Variants in SNX10 observed in about 807,000 individuals in gnomAD.
SNX10 encodes the protein sorting nexin 10, also known as sorting nexin-10.
A neutral mutation model predicts 28.5 loss-of-function variants in SNX10; 25 were observed. That is an observed-to-expected ratio of 0.88 (90% confidence interval 0.64 to 1.22). The LOEUF (loss-of-function observed/expected upper bound fraction) is 1.22. Among genes scored for constraint, SNX10 ranks in the 50% most tolerant of loss-of-function variants. The pLI, the probability that SNX10 is intolerant of heterozygous loss-of-function variation, is 0.00. For missense variants in SNX10, 223 were observed against 242.6 expected (o/e 0.92, Z 0.54); for synonymous variants, 62 against 81.4 (o/e 0.76, Z 1.28).
intron 1 of SNX10, among the ~76,000 whole-genome samples, chr7:26,299,354 C>T (rs1280222452): frequency 6.6e-6 from 1 of 152,162 alleles, no homozygotes; most frequent in Non-Finnish European, 1.5e-5. Context: ...TGCCACCACA[C>T]TCAGCTAATT....
intron 2 of SNX10, among the ~76,000 whole-genome samples, chr7:26,359,991 TATTATCTTTATAAA>T (rs1384391949): frequency 1.3e-5 from 2 of 152,204 alleles, no homozygotes; most frequent in East Asian, 3.8e-4. Context: ...TTTCTATTCT[TATTATCTTTATAAA>T]AGAACAAAAT....
intron 1 of SNX10, among the ~76,000 whole-genome samples, chr7:26,334,893 G>T (rs1020375893): frequency 2.0e-5 from 3 of 152,134 alleles, no homozygotes; most frequent in African/African-American, 7.2e-5. Flanking sequence ...GACAATTTGG[G>T]CCTGGTTTGC....
At chr7:26,309,550 T>C (rs1176237451) in intron 1 of SNX10, among the ~76,000 whole-genome samples, 3 of 152,132 alleles carry the variant, frequency 2.0e-5, no homozygotes, top group African/African-American at 4.8e-5. Context: ...CAGTATTACC[T>C]CTTTTCGGAA....
intron 2 of SNX10, among the ~76,000 whole-genome samples, chr7:26,356,423 T>A (rs1297135889): frequency 2.0e-5 from 3 of 152,190 alleles, no homozygotes; most frequent in Non-Finnish European, 4.4e-5. Flanking sequence ...CTGTCCTCTG[T>A]GGCTGACAGC....
chr7:26,294,838 C>A (rs1786051197), intron 1 of SNX10, among the ~76,000 whole-genome samples: 1 of 152,156 alleles, frequency 6.6e-6, no homozygotes, highest in Admixed American at 6.5e-5. Flanking sequence ...AACTGAGGCA[C>A]AAAGCCCAAG....
intron 1 of SNX10, among the ~76,000 whole-genome samples, chr7:26,302,194 T>A (rs1786396510): frequency 1.3e-5 from 2 of 152,176 alleles, no homozygotes; most frequent in Admixed American, 1.3e-4. Flanking sequence ...TCTTTGTGCC[T>A]TTTTATGCTT....
At chr7:26,372,124 A>G (rs1172896450) in intron 6 of SNX10, 91 bp downstream of exon 6, 10 of 837,374 alleles carry the variant, frequency 1.2e-5, no homozygotes, top group Non-Finnish European at 1.8e-5. Flanking sequence ...TACACACTTC[A>G]CTTTTTTGTT....
intron 5 of SNX10, among the ~76,000 whole-genome samples, chr7:26,367,509 C>T (rs1380156309): frequency 6.6e-6 from 1 of 152,174 alleles, no homozygotes; most frequent in African/African-American, 2.4e-5. Flanking sequence ...ACAGCCTAAA[C>T]CTGAAGGAAG....
At chr7:26,334,143 C>A (rs575728622) in intron 1 of SNX10, among the ~76,000 whole-genome samples, 2 of 152,220 alleles carry the variant, frequency 1.3e-5, no homozygotes, top group African/African-American at 4.8e-5. Flanking sequence ...TGGATTTGGC[C>A]TGGGATGTCA....
rs554472976 is a variant in SNX10, at chr7:26,326,857, C to T, written c.-23-19563C>T. On this transcript the variant is annotated intron_variant, in intron 1 of 6. Coordinates refer to ENST00000338523, the MANE Select transcript of SNX10 (RefSeq NM_013322.3). ...CTGGGATTACAGGTGTGAGCCACTGCACCCAGATGAACTGACCATTTTTGT... is the reference window on the plus strand; with the variant it reads ...CTGGGATTACAGGTGTGAGCCACTGTACCCAGATGAACTGACCATTTTTGT... Among the ~76,000 whole-genome samples the T allele has an allele frequency of 2.7e-4, 41 of 151,918 alleles. No homozygotes were observed. The South Asian group carries it at 6.8e-3, about 25-fold the overall frequency.
chr7:26,369,919 C>T lies in SNX10; in HGVS notation c.312-1902C>T, dbSNP rs188573578. On this transcript the variant is annotated intron_variant, in intron 5 of 6. Transcript: ENST00000338523. ...AGTTAATAACAACACGTGAGCAGTT[C>T]AAGGCTCAGTAGAATTGCTTCAGAC... 2.0e-5 allele frequency among the ~76,000 whole-genome samples: 3 copies of T among 152,256 alleles called. No individual in the cohort carries two copies. In the East Asian group the frequency reaches 5.8e-4, roughly 29 times the overall value.
chr7:26,351,873 G>A (rs945248246), intron 2 of SNX10, among the ~76,000 whole-genome samples: 1 of 151,736 alleles, frequency 6.6e-6, no homozygotes, highest in African/African-American at 2.4e-5. Context: ...AGCCAGGATG[G>A]TCTAGATCTC....
chr7:26,362,499 G>A (rs1359588892), intron 3 of SNX10, among the ~76,000 whole-genome samples: 1 of 152,200 alleles, frequency 6.6e-6, no homozygotes, highest in Non-Finnish European at 1.5e-5. Context: ...TGGTGTCCTG[G>A]CACTTTTCTG....
chr7:26,342,665 T>C (rs1051849303), intron 1 of SNX10, among the ~76,000 whole-genome samples: 2 of 152,176 alleles, frequency 1.3e-5, no homozygotes, highest in African/African-American at 4.8e-5. Context: ...TGGAAGTGTA[T>C]AGAGCTTAGA....
chr7:26,307,806 T>TAC (rs1233100970), intron 1 of SNX10, among the ~76,000 whole-genome samples: 1 of 152,012 alleles, frequency 6.6e-6, no homozygotes, highest in African/African-American at 2.4e-5. Flanking sequence ...ACCGTGGGGG[T>TAC]ACATTGGTAA....
chr7:26,336,269 GA>G (rs915349198), intron 1 of SNX10, among the ~76,000 whole-genome samples: 5 of 150,012 alleles, frequency 3.3e-5, no homozygotes, highest in Admixed American at 6.6e-5. Flanking sequence ...GCGAAATACA[GA>G]AAAAAAGGAA....
chr7:26,313,942 G>A (rs1786953357), intron 1 of SNX10, among the ~76,000 whole-genome samples: 1 of 151,964 alleles, frequency 6.6e-6, no homozygotes, highest in Non-Finnish European at 1.5e-5. Flanking sequence ...GAGTAGCTGG[G>A]GAGGCTACAG....
At chr7:26,358,805 G>GTTTTTTTTTTTTTTTGTTTTTGTTTTT (rs1788939092) in intron 2 of SNX10, among the ~76,000 whole-genome samples, 11 of 100,096 alleles carry the variant, frequency 1.1e-4, no homozygotes, top group Non-Finnish European at 1.7e-4. Context: ...GTTATCTTGT[G>GTTTTTTTTTTTTTTTGTTTTTGTTTTT]TTTTTTTTTT....
intron 1 of SNX10, among the ~76,000 whole-genome samples, chr7:26,340,559 G>A (rs567094557): frequency 2.6e-5 from 4 of 152,284 alleles, no homozygotes; most frequent in South Asian, 2.1e-4. Flanking sequence ...TCGAGTTTTC[G>A]GTTTGGGCAG....
Sources: gnomAD v4.1 joint callset for allele counts (sites outside exome capture counted in the v4.1 genomes callset) on GRCh38, gnomAD v4.1.1 for gene constraint, MANE v1.5 for transcripts, NCBI Gene and HGNC (gene_info 2026-07-23, HGNC 2026-07-21) for gene names.